The following DCAF8L2 variants were observed in gnomAD, a reference collection of about 807,000 sequenced individuals.
DCAF8L2 encodes DDB1 and CUL4 associated factor 8 like 2.
For missense variants in DCAF8L2, 430 were observed against 490.7 expected, an observed-to-expected ratio of 0.88 and a Z score of 1.17; for synonymous variants, 200 against 190.9, an observed-to-expected ratio of 1.05 and a Z score of -0.39.
chrX:27,737,879 T>C (rs1341860863), intron 4 of DCAF8L2, among the ~76,000 whole-genome samples: 1 of 111,429 alleles, frequency 9.0e-6, no homozygotes, highest in Non-Finnish European at 1.9e-5. Flanking sequence ...AATCTTAGTA[T>C]GCATTGCACT....
At chrX:27,729,892 A>G (rs1455493010) in intron 4 of DCAF8L2, among the ~76,000 whole-genome samples, 1 of 112,070 alleles carries the variant, frequency 8.9e-6, no homozygotes, top group African/African-American at 3.2e-5. Context: ...GATGAAAAAT[A>G]CTGAGTCCTA....
chrX:27,614,249 T>C (rs775812451), intron 1 of DCAF8L2, among the ~76,000 whole-genome samples: 1 of 111,289 alleles, frequency 9.0e-6, no homozygotes, highest in African/African-American at 3.3e-5. Flanking sequence ...TAGAGGTGTT[T>C]ATAGTATTTT....
intron 4 of DCAF8L2, among the ~76,000 whole-genome samples, chrX:27,723,248 A>T (rs977023648): frequency 1.8e-5 from 2 of 110,039 alleles, no homozygotes; most frequent in Non-Finnish European, 3.8e-5. Context: ...AGAGTAATAA[A>T]TGTTTCTAAA....
the DCAF8L2 span, among the ~76,000 whole-genome samples, chrX:27,524,108 C>T: frequency 7.2e-5 from 8 of 111,407 alleles, no homozygotes; most frequent in African/African-American, 2.6e-4. Flanking sequence ...GGAATTGTAC[C>T]AGCTCCTCTT....
At chrX:27,555,860 G>A in the DCAF8L2 span, among the ~76,000 whole-genome samples, 1 of 110,997 alleles carries the variant, frequency 9.0e-6, no homozygotes, top group Non-Finnish European at 1.9e-5. Flanking sequence ...CCTGCCTGGT[G>A]ATCACCTTCC....
rs772391222 is a variant in DCAF8L2, at chrX:27,747,633, C to T, written c.738C>T (p.Ser246=). Residue 246 remains serine, a synonymous_variant, in exon 5 of 5, where the codon AGC becomes AGT. Transcript: ENST00000451261. ...AGCGTGGCACCCGGCTGGCCAGTAGCGGTGATGACCTAAAGGTGATAGTGT... is the reference window on the plus strand; with the variant it reads ...AGCGTGGCACCCGGCTGGCCAGTAGTGGTGATGACCTAAAGGTGATAGTGT... The part of the protein sequence containing the change: ...FNQRGTRLAS[S]GDDLKVIVWD... 4.7e-5 allele frequency: 57 copies of T among 1,205,865 alleles called. No homozygotes were observed. The East Asian group carries it at 1.3e-3, about 27-fold the overall frequency.
At chrX:27,499,830 T>C in the DCAF8L2 span, among the ~76,000 whole-genome samples, 1 of 46,705 alleles carries the variant, frequency 2.1e-5, no homozygotes, top group Non-Finnish European at 5.5e-5. Context: ...ACATGAGATT[T>C]GGTGGTGGGG....
At chrX:27,603,043 C>T (rs1273118638) in intron 1 of DCAF8L2, among the ~76,000 whole-genome samples, 1 of 111,380 alleles carries the variant, frequency 9.0e-6, no homozygotes, top group Non-Finnish European at 1.9e-5. Context: ...GACAAAATTA[C>T]AAGTGACAGA....
chrX:27,470,081 CT>C, the DCAF8L2 span, among the ~76,000 whole-genome samples: 1 of 111,896 alleles, frequency 8.9e-6, no homozygotes, highest in South Asian at 3.7e-4. Flanking sequence ...TCTGCTATCA[CT>C]TTCTTAAGCA....
chrX:27,497,508 CT>C, the DCAF8L2 span, among the ~76,000 whole-genome samples: 2 of 38,000 alleles, frequency 5.3e-5, no homozygotes, highest in African/African-American at 1.8e-4. Flanking sequence ...TTCTTTCTTT[CT>C]TTCCTTCCTT....
the DCAF8L2 span, among the ~76,000 whole-genome samples, chrX:27,524,221 T>C: frequency 8.9e-6 from 1 of 111,898 alleles, no homozygotes; most frequent in Non-Finnish European, 1.9e-5. Context: ...GTTATTGGTC[T>C]ATTCAGGGAT....
chrX:27,577,308 A>G, the DCAF8L2 span, among the ~76,000 whole-genome samples: 1 of 111,625 alleles, frequency 9.0e-6, no homozygotes, highest in South Asian at 3.7e-4. Flanking sequence ...TTGCCAGCCA[A>G]TAGCAGGGTC....
At chrX:27,725,757 A>G (rs1335242470) in intron 4 of DCAF8L2, among the ~76,000 whole-genome samples, 2 of 110,474 alleles carry the variant, frequency 1.8e-5, no homozygotes, top group Admixed American at 1.9e-4. Context: ...AAGCTAAAAC[A>G]TAAGTTTATC....
At chrX:27,741,350 C>T (rs1367185200) in intron 4 of DCAF8L2, among the ~76,000 whole-genome samples, 1 of 110,891 alleles carries the variant, frequency 9.0e-6, no homozygotes, top group Admixed American at 9.6e-5. Context: ...CCTCCCCTCC[C>T]CAGAGCCACC....
chrX:27,618,859 T>G (rs1227200817), intron 1 of DCAF8L2, among the ~76,000 whole-genome samples: 1 of 110,277 alleles, frequency 9.1e-6, no homozygotes, highest in Non-Finnish European at 1.9e-5. Flanking sequence ...CCAAAAGTAG[T>G]AAAGCTTTGG....
chrX:27,619,401 AAG>A (rs766778326), intron 1 of DCAF8L2, among the ~76,000 whole-genome samples: 8 of 108,882 alleles, frequency 7.3e-5, no homozygotes, highest in Non-Finnish European at 5.8e-5. Context: ...GAGAGAGAGA[AAG>A]AGAGAGAGAG....
At chrX:27,602,618 AG>A (rs1252063438) in intron 1 of DCAF8L2, among the ~76,000 whole-genome samples, 1 of 111,509 alleles carries the variant, frequency 9.0e-6, no homozygotes, top group Non-Finnish European at 1.9e-5. Context: ...TCCTAAAAAA[AG>A]AGTTGTATGA....
chrX:27,477,541 C>A, the DCAF8L2 span, among the ~76,000 whole-genome samples: 1 of 111,911 alleles, frequency 8.9e-6, no homozygotes, highest in Non-Finnish European at 1.9e-5. Flanking sequence ...CCCGCCTCAG[C>A]CTCCCAAAGT....
At chrX:27,627,679 A>C (rs1423004173) in intron 1 of DCAF8L2, among the ~76,000 whole-genome samples, 2 of 107,164 alleles carry the variant, frequency 1.9e-5, no homozygotes, top group African/African-American at 6.7e-5. Flanking sequence ...GTGGATCACG[A>C]GGTCAGGAGA....
Sources: gnomAD v4.1 joint callset for allele counts (sites outside exome capture counted in the v4.1 genomes callset) on GRCh38, gnomAD v4.1.1 for gene constraint, MANE v1.5 for transcripts, NCBI Gene and HGNC (gene_info 2026-07-23, HGNC 2026-07-21) for gene names.